SPTBN4: variants seen among roughly 807,000 people sequenced by gnomAD.
The protein encoded by SPTBN4 is spectrin beta, non-erythrocytic 4.
Under a neutral mutation model 277.8 loss-of-function variants are expected in SPTBN4, and 96 were observed. That is an observed-to-expected ratio of 0.35 (90% confidence interval 0.29 to 0.41). The LOEUF (loss-of-function observed/expected upper bound fraction) is 0.41. Ranked by LOEUF, SPTBN4 falls within the 10% of genes least tolerant of loss-of-function variation. The pLI is 1.00. For synonymous variants in SPTBN4, 1,481 were observed against 1,580.3 expected (o/e 0.94, Z 1.49); for missense variants, 3,006 against 3,595.7 (o/e 0.84, Z 4.19).
At chr19:40,547,203 C>G (rs898257710) in intron 20 of SPTBN4, among the ~76,000 whole-genome samples, 16 of 129,462 alleles carry the variant, frequency 1.2e-4, no homozygotes, top group Non-Finnish European at 8.1e-5. Flanking sequence ...TGACAGGCCC[C>G]GGTGTGTGAT....
chr19:40,489,372 G>A (rs1163385174), intron 3 of SPTBN4, among the ~76,000 whole-genome samples: 1 of 142,148 alleles, frequency 7.0e-6, no homozygotes, highest in African/African-American at 3.0e-5. Context: ...AAGCAGCGAG[G>A]GGTGTGACGC....
chr19:40,519,338 C>G lies in SPTBN4; in HGVS notation c.2904-63C>G. On this transcript the variant is annotated intron_variant, in intron 15 of 35. Coordinates refer to ENST00000598249, the MANE Select transcript of SPTBN4 (RefSeq NM_020971.3). The surrounding 1 kb of genome is among the most constrained non-coding windows in gnomAD (Gnocchi z 5.7). The stretch of plus-strand genomic sequence containing the variant: ...GGGCCTGGATTCTACCCTGGGTCGG[C>G]GGGCCCTCCGCGCCCAAGAGGAGTC... 7.1e-7 allele frequency: 1 copy of G among 1,403,094 alleles called. No homozygotes were observed. Among genetic ancestry groups the G allele is most frequent in the Non-Finnish European group, 9.3e-7 (1 of 1,076,886 alleles). The allele number at this position is 1,403,094 out of a possible 1,614,324, so 86.9% of individuals were successfully genotyped here.
chr19:40,471,571 A>G (rs1599702328), intron 1 of SPTBN4, among the ~76,000 whole-genome samples: 1 of 152,072 alleles, frequency 6.6e-6, no homozygotes, highest in East Asian at 1.9e-4. Flanking sequence ...GAGGGTGAAC[A>G]TTATTATTAT....
intron 20 of SPTBN4, among the ~76,000 whole-genome samples, chr19:40,540,241 A>C (rs544769528): frequency 6.6e-6 from 1 of 152,106 alleles, no homozygotes; most frequent in African/African-American, 2.4e-5. Context: ...TTTAATTTTA[A>C]CTGTCATAAA....
chr19:40,557,478 G>A lies in SPTBN4; in HGVS notation c.5670+75G>A, dbSNP rs535837328. 3.2e-5 allele frequency: 47 copies of A among 1,480,586 alleles called. No individual in the cohort carries two copies. In the East Asian group the frequency reaches 4.5e-4, roughly 14 times the overall value. The allele number at this position is 1,480,586 out of a possible 1,614,324, so 91.7% of individuals were successfully genotyped here. On this transcript the variant is annotated intron_variant, in intron 26 of 35. Coordinates refer to ENST00000598249, the MANE Select transcript of SPTBN4 (RefSeq NM_020971.3). ...GGGCAGCAGAGTGGGCAAAAATCAG[G>A]CTGTGGAGCAGGTCGAAATTAGGCA...
In SPTBN4 at chr19:40,560,107, G is replaced by A; in HGVS notation, c.5671-52G>A. 6.6e-7 allele frequency: 1 copy of A among 1,523,842 alleles called. No individual in the cohort carries two copies. Among genetic ancestry groups the A allele is most frequent in the Non-Finnish European group, 8.8e-7 (1 of 1,141,312 alleles). The allele number at this position is 1,523,842 out of a possible 1,614,324, so 94.4% of individuals were successfully genotyped here. ...GCTGGAGCAGATGGTGGGAGGGAGG[G>A]CACAGCCTGGGCCCCGTGGAGGGCT... On this transcript the variant is annotated intron_variant, in intron 26 of 35. Transcript: ENST00000598249. This position sits in a 1 kb window ranked among gnomAD's most constrained non-coding sequence, Gnocchi z 5.2.
chr19:40,497,545 A>G lies in SPTBN4; in HGVS notation c.725A>G (p.Gln242Arg). 1 of 1,614,132 alleles carries G rather than the reference A, an allele frequency of 6.2e-7. No homozygotes were observed. Residue 242 changes from glutamine to arginine, a missense_variant, in exon 7 of 36, where the codon CAG becomes CGG. By Grantham distance (43) the Gln-to-Arg change is conservative (BLOSUM62 1). Around this residue, in one of 5 missense-constraint regions of SPTBN4, gnomAD observed 1,759 missense variants for 2,061.5 expected, o/e 0.85. Transcript: ENST00000598249. ...AAGTCCAATGCCAACTACAACCTGCAGAGAGCCTTCCGCACAGCTGAGCAG... is the reference window on the plus strand; with the variant it reads ...AAGTCCAATGCCAACTACAACCTGCGGAGAGCCTTCCGCACAGCTGAGCAG... ...LTKSNANYNL[Q>R]RAFRTAEQHL... is the part of the protein sequence containing the mutation.
At chr19:40,517,970 A>G (rs1307524457) in intron 15 of SPTBN4, among the ~76,000 whole-genome samples, 1 of 152,186 alleles carries the variant, frequency 6.6e-6, no homozygotes, top group African/African-American at 2.4e-5. Context: ...AGTTAAATAC[A>G]CTAATAAATG....
chr19:40,515,131 A>C lies in SPTBN4; in HGVS notation c.2766-180A>C, dbSNP rs1417051615. ...ATACATACATACATAAATTAATTAA[A>C]TTAAATTAAATAAGTTAAATTAAAT... On this transcript the variant is annotated intron_variant, in intron 14 of 35. Transcript: ENST00000598249. The surrounding 1 kb of genome is among the most constrained non-coding windows in gnomAD (Gnocchi z 4.1). 6.6e-6 allele frequency among the ~76,000 whole-genome samples: 1 copy of C among 152,108 alleles called. No homozygotes were observed. Among genetic ancestry groups the C allele is most frequent in the African/African-American group, 2.4e-5 (1 of 41,428 alleles).
At chr19:40,493,166 G>C in intron 5 of SPTBN4, 112 bp downstream of exon 5, 1 of 894,742 alleles carries the variant, frequency 1.1e-6, no homozygotes, top group Non-Finnish European at 1.7e-6. Flanking sequence ...GGGTCAAAAA[G>C]TTACATCTGA....
At chr19:40,478,702 C>A (rs183868712) in intron 2 of SPTBN4, among the ~76,000 whole-genome samples, 3 of 152,098 alleles carry the variant, frequency 2.0e-5, no homozygotes, top group Middle Eastern at 3.2e-3. Context: ...CCCGTCACCA[C>A]GCCCAGCTAA....
intron 27 of SPTBN4, among the ~76,000 whole-genome samples, chr19:40,561,325 T>A (rs769816453): frequency 2.0e-5 from 3 of 152,022 alleles, no homozygotes; most frequent in Non-Finnish European, 2.9e-5. Flanking sequence ...GGCTGGAAAT[T>A]TAGTTTCATG....
intron 6 of SPTBN4, 23 bp from the exon 7 acceptor site, chr19:40,497,466 G>A (rs574551232): frequency 6.9e-6 from 11 of 1,586,736 alleles, no homozygotes; most frequent in Non-Finnish European, 9.5e-6. Context: ...CCTGCTGCCT[G>A]CCTGCTCTGT....
intron 27 of SPTBN4, among the ~76,000 whole-genome samples, chr19:40,564,789 A>G (rs887999376): frequency 3.3e-5 from 5 of 151,854 alleles, no homozygotes; most frequent in Non-Finnish European, 5.9e-5. Flanking sequence ...GTGAGCTGCA[A>G]TCTTGCCACT....
chr19:40,524,221 T>C (rs940415200), intron 17 of SPTBN4, among the ~76,000 whole-genome samples: 1 of 152,100 alleles, frequency 6.6e-6, no homozygotes, highest in Non-Finnish European at 1.5e-5. Context: ...GTTAAAATGT[T>C]AGGCTGGGTG....
At chr19:40,471,586 A>G (rs902942470) in intron 1 of SPTBN4, among the ~76,000 whole-genome samples, 4 of 152,142 alleles carry the variant, frequency 2.6e-5, no homozygotes, top group African/African-American at 9.7e-5. Flanking sequence ...TATTATTATT[A>G]TTTAGAAATA....
At chr19:40,479,276 A>G (rs1191231441) in intron 2 of SPTBN4, among the ~76,000 whole-genome samples, 3 of 152,110 alleles carry the variant, frequency 2.0e-5, no homozygotes, top group African/African-American at 7.2e-5. Context: ...CAACATAGTG[A>G]GACCCTGTCT....
In SPTBN4 at chr19:40,554,219, T is replaced by C. The variant is rs2080950324; in HGVS notation, c.4747T>C (p.Ser1583Pro). Reference protein sequence around the residue: ...EVLERAGALASLRSPEAEAVR... With the variant: ...EVLERAGALAPLRSPEAEAVR... The stretch of plus-strand genomic sequence containing the variant: ...GCTGGAGCGCGCGGGCGCGCTGGCG[T>C]CGCTGCGCAGCCCGGAGGCAGAGGC... The change falls in exon 23 of 36, where the codon TCG (serine) becomes CCG (proline). Residue 1583 changes from serine to proline, a missense_variant. By Grantham distance (74) the Ser-to-Pro change is moderately conservative. Around this residue, in one of 5 missense-constraint regions of SPTBN4, gnomAD observed 1,759 missense variants for 2,061.5 expected, o/e 0.85. Transcript: ENST00000598249. This position sits in a 1 kb window ranked among gnomAD's most constrained non-coding sequence, Gnocchi z 5.7. 1 of 1,497,476 alleles carries C rather than the reference T, an allele frequency of 6.7e-7. No individual in the cohort carries two copies. The highest frequency in any genetic ancestry group is 8.8e-7 in the Non-Finnish European group (1 of 1,134,188). 92.8% of individuals were successfully genotyped at this position (1,497,476 alleles called of 1,614,324 possible).
chr19:40,530,535 GC>G, intron 18 of SPTBN4: 1 of 980,612 alleles, frequency 1.0e-6, no homozygotes, highest in Non-Finnish European at 1.2e-6. Flanking sequence ...CAGTTGAGGG[GC>G]GAGCACCCGC....
Sources: gnomAD v4.1 joint callset for allele counts (sites outside exome capture counted in the v4.1 genomes callset) on GRCh38, gnomAD v4.1.1 for gene constraint, gnomAD v4.1.1 regional missense constraint, Gnocchi (gnomAD v3.1) non-coding constraint, MANE v1.5 for transcripts, NCBI Gene and HGNC (gene_info 2026-07-23, HGNC 2026-07-21) for gene names.